Variants in RNASEH2B observed in about 807,000 individuals in gnomAD.
RNASEH2B encodes the protein ribonuclease H2 subunit B, also known as Aicardi-Goutieres syndrome 2 protein.
In RNASEH2B, 36 loss-of-function variants were observed where a neutral mutation model predicts 45.0. That is an observed-to-expected ratio of 0.80 (90% CI 0.61 to 1.06). The LOEUF (loss-of-function observed/expected upper bound fraction) is 1.06. Among genes scored for constraint, RNASEH2B ranks in the 50% least tolerant of loss-of-function variants. The pLI, the probability that RNASEH2B is intolerant of heterozygous loss-of-function variation, is 0.00. For missense variants in RNASEH2B, 361 were observed against 360.3 expected, an observed-to-expected ratio of 1.00 and a Z score of -0.02; for synonymous variants, 119 against 125.7, an observed-to-expected ratio of 0.95 and a Z score of 0.35.
At position 50,953,951 on chromosome 13, in the gene RNASEH2B, C is replaced by T. The variant is rs183734174; in HGVS notation, c.788C>T (p.Thr263Ile). ...DEPVEAKEDY[T>I]KFNTKDLKTE... The stretch of plus-strand genomic sequence containing the variant: ...CCTGTAGAAGCAAAAGAAGATTACA[C>T]TAAGTTTAATACTAAAGATTTGAAG... The change falls in exon 10 of 11, where the codon ACT (threonine) becomes ATT (isoleucine). Residue 263 changes from threonine (T) to isoleucine (I), a missense_variant. By Grantham distance (89) the Thr-to-Ile change is moderately conservative. Coordinates refer to ENST00000336617, the MANE Select transcript of RNASEH2B (RefSeq NM_024570.4). 6.2e-7 allele frequency: 1 copy of T among 1,607,522 alleles called. No individual in the cohort carries two copies. The highest frequency in any genetic ancestry group is 8.5e-7 in the Non-Finnish European group (1 of 1,174,308).
In RNASEH2B at chr13:50,956,371, T is replaced by C. The variant is rs1566091543; in HGVS notation, c.836T>C (p.Met279Thr). 6.2e-7 allele frequency: 1 copy of C among 1,600,268 alleles called. No individual in the cohort carries two copies. The highest frequency in any genetic ancestry group is 2.2e-5 in the East Asian group (1 of 44,538). The change falls in exon 11 of 11, where the codon ATG becomes ACG. Residue 279 changes from methionine to threonine, a missense_variant. Coordinates refer to ENST00000336617, the MANE Select transcript of RNASEH2B (RefSeq NM_024570.4). ...DLKTEKKNSK[M>T]TAAQKALAKV... ...TTTCATTAACAGAAAAATAGCAAAA[T>C]GACTGCAGCTCAGAAGGCTTTGGCT...
At chr13:50,952,935 T>A (rs1044883267) in intron 9 of RNASEH2B, 5 of 152,144 alleles carry the variant, frequency 3.3e-5, no homozygotes, top group Admixed American at 1.3e-4. Flanking sequence ...TAAAACACCA[T>A]GGGCTGTGGA....
chr13:50,929,428 G>A (rs371087934), intron 2 of RNASEH2B, 47 bp from the exon 3 acceptor site: 1 of 1,119,692 alleles, frequency 8.9e-7, no homozygotes, highest in Non-Finnish European at 1.4e-6. Context: ...GTGTGTTTGT[G>A]TGTGTGTGTG....
At chr13:50,943,124 T>G in intron 5 of RNASEH2B, 197 bp from the exon 6 acceptor site, 1 of 512,954 alleles carries the variant, frequency 1.9e-6, no homozygotes. Flanking sequence ...CATTTAGTGG[T>G]TGATGACTCC....
intron 1 of RNASEH2B, among the ~76,000 whole-genome samples, chr13:50,917,826 A>G (rs17074987): frequency 0.64 from 96,737 of 151,936 alleles, 31,302 homozygotes; most frequent in African/African-American, 0.72. Flanking sequence ...TTTGATGACT[A>G]GGGACCAGAC....
chr13:50,925,914 C>T (rs1951588647), intron 1 of RNASEH2B, among the ~76,000 whole-genome samples: 1 of 152,160 alleles, frequency 6.6e-6, no homozygotes, highest in Admixed American at 6.5e-5. Flanking sequence ...TTACTGGGTT[C>T]TCCCTTTCTG....
Position 50,909,932 on chromosome 13 carries a change from G to A in RNASEH2B, c.-145G>A, listed in dbSNP as rs1227696445. The A allele has an allele frequency of 2.8e-5, 16 of 563,324 alleles. No individual in the cohort carries two copies. Among genetic ancestry groups the A allele is most frequent in the Non-Finnish European group, 4.4e-5 (15 of 341,766 alleles). The allele number at this position is 563,324 out of a possible 1,614,324, so 34.9% of individuals were successfully genotyped here. On this transcript the variant is annotated 5_prime_UTR_variant, in exon 1 of 11. Coordinates refer to ENST00000336617, the MANE Select transcript of RNASEH2B (RefSeq NM_024570.4). Reference sequence around the variant, plus strand: ...TGGTCTCGGAAACGAAACGAAATTCGGTCCCTGGGCCTCCTCCCGGGCGCT... The same window carrying A: ...TGGTCTCGGAAACGAAACGAAATTCAGTCCCTGGGCCTCCTCCCGGGCGCT...
Position 50,956,742 on chromosome 13 carries a change from A to C in RNASEH2B, c.*268A>C. On this transcript the variant is annotated 3_prime_UTR_variant, in exon 11 of 11. Coordinates refer to ENST00000336617, the MANE Select transcript of RNASEH2B (RefSeq NM_024570.4). ...AACATATAGCATCATGATTTTCTCA[A>C]TAAACTGATGTGTGACAATGTTAGA... is the stretch of plus-strand genomic sequence containing the variant. The C allele has an allele frequency of 8.4e-7, 1 of 1,193,918 alleles. No homozygotes were observed. The highest frequency in any genetic ancestry group is 1.7e-5 in the South Asian group (1 of 57,514). 74.0% of individuals were successfully genotyped at this position (1,193,918 alleles called of 1,614,324 possible).
At chr13:50,935,102 A>T (rs769439629) in intron 5 of RNASEH2B, 103 bp downstream of exon 5, 1 of 750,144 alleles carries the variant, frequency 1.3e-6, no homozygotes, top group Non-Finnish European at 2.4e-6. Flanking sequence ...TTCTGTGTCC[A>T]CCATAGGGAA....
At chr13:50,958,681 C>G (rs1180208035), downstream of RNASEH2B, among the ~76,000 whole-genome samples, 1 of 152,110 alleles carries the variant, frequency 6.6e-6, no homozygotes, top group African/African-American at 2.4e-5. Context: ...TTTTCCCAGA[C>G]TACTAACTGT....
intron 5 of RNASEH2B, chr13:50,942,626 A>G (rs1368590913): frequency 3.3e-5 from 5 of 152,278 alleles, no homozygotes; most frequent in South Asian, 2.1e-4. Flanking sequence ...ACTGCTTAGT[A>G]TGCTAATGTG....
At chr13:50,914,941 C>A (rs751042702) in intron 1 of RNASEH2B, among the ~76,000 whole-genome samples, 2 of 152,166 alleles carry the variant, frequency 1.3e-5, no homozygotes, top group Non-Finnish European at 2.9e-5. Flanking sequence ...CAAAGCCTGG[C>A]TATAATAACA....
downstream of RNASEH2B, chr13:50,960,148 G>C: frequency 5.2e-6 from 6 of 1,145,406 alleles, no homozygotes; most frequent in Non-Finnish European, 6.6e-6. Flanking sequence ...TTTCCAGCTA[G>C]GTCTACCAAC....
At chr13:50,969,772 G>C (rs879745841) in intron 9 of RNASEH2B, among the ~76,000 whole-genome samples, 1 of 152,048 alleles carries the variant, frequency 6.6e-6, no homozygotes, top group African/African-American at 2.4e-5. Flanking sequence ...ACCCCTTCCT[G>C]TGTCTGAGGT....
intron 1 of RNASEH2B, among the ~76,000 whole-genome samples, chr13:50,913,490 A>G (rs1879549522): frequency 6.8e-6 from 1 of 147,764 alleles, no homozygotes; most frequent in Non-Finnish European, 1.5e-5. Context: ...TGTGTATTGA[A>G]AAAAAAAAAA....
At chr13:50,934,112 T>A (rs1951715312) in intron 4 of RNASEH2B, 1 of 152,242 alleles carries the variant, frequency 6.6e-6, no homozygotes, top group South Asian at 2.1e-4. Context: ...TCTGGTACAG[T>A]CTGGTGTCCC....
intron 9 of RNASEH2B, among the ~76,000 whole-genome samples, chr13:50,968,325 A>G (rs554771865): frequency 4.8e-4 from 73 of 152,290 alleles, no homozygotes; most frequent in African/African-American, 1.7e-3. Context: ...GCTTGAGGCT[A>G]GGAATTCAAG....
At chr13:50,930,835 T>G in intron 4 of RNASEH2B, 76 bp downstream of exon 4, 4 of 1,069,516 alleles carry the variant, frequency 3.7e-6, no homozygotes, top group Non-Finnish European at 5.8e-6. Context: ...CTCTCTCCTT[T>G]TAATGATCCA....
At chr13:50,965,783 CT>C (rs1407725742) in intron 9 of RNASEH2B, among the ~76,000 whole-genome samples, 1 of 152,186 alleles carries the variant, frequency 6.6e-6, no homozygotes, top group African/African-American at 2.4e-5. Flanking sequence ...TGTGAATTTT[CT>C]TCTGTCAGTT....
Sources: allele counts gnomAD v4.1 joint callset (sites outside exome capture counted in the v4.1 genomes callset), GRCh38; gene constraint gnomAD v4.1.1; transcripts MANE v1.5; gene names NCBI Gene and HGNC (gene_info 2026-07-23, HGNC 2026-07-21).